ST18: variants seen among roughly 807,000 people sequenced by gnomAD.
ST18 encodes the protein suppression of tumorigenicity 18 protein.
Under a neutral mutation model 110.0 loss-of-function variants are expected in ST18, and 50 were observed. The observed-to-expected ratio is 0.45, with a 90% CI of 0.36 to 0.58. ST18 has a LOEUF of 0.58. Ranked by LOEUF, ST18 falls within the 20% of genes least tolerant of loss-of-function variation. ST18 has a pLI of 0.00. For synonymous variants in ST18, 461 were observed against 452.4 expected (o/e 1.02, Z -0.24); for missense variants, 1,306 against 1,280.1 (o/e 1.02, Z -0.31).
At chr8:52,232,423 A>T (rs1328959327) in intron 2 of ST18, among the ~76,000 whole-genome samples, 1 of 152,244 alleles carries the variant, frequency 6.6e-6, no homozygotes, top group Non-Finnish European at 1.5e-5. Flanking sequence ...TGAATTAATT[A>T]CAAATTATAT....
chr8:52,340,848 C>T (rs1056287611), intron 2 of ST18, among the ~76,000 whole-genome samples: 2 of 152,118 alleles, frequency 1.3e-5, no homozygotes, highest in South Asian at 2.1e-4. Context: ...CAAAAAACCG[C>T]GAAGTGCCTG....
chr8:52,235,972 A>C (rs1172913199), intron 2 of ST18, among the ~76,000 whole-genome samples: 1 of 152,212 alleles, frequency 6.6e-6, no homozygotes, highest in Non-Finnish European at 1.5e-5. Context: ...CCAGGAAATA[A>C]ATAAAAAGAT....
intron 8 of ST18, among the ~76,000 whole-genome samples, chr8:52,185,942 A>C (rs2071953503): frequency 6.6e-6 from 1 of 152,232 alleles, no homozygotes; most frequent in South Asian, 2.1e-4. Context: ...ATCAGAGCAC[A>C]TTAAAATGAA....
chr8:52,143,103 A>G, intron 16 of ST18, 58 bp from the exon 17 acceptor site: 1 of 1,097,228 alleles, frequency 9.1e-7, no homozygotes, highest in Non-Finnish European at 1.4e-6. Flanking sequence ...CCCTGGAAAG[A>G]CAACTAGATT....
chr8:52,368,055 C>T (rs546055966), intron 2 of ST18, among the ~76,000 whole-genome samples: 9 of 152,138 alleles, frequency 5.9e-5, no homozygotes, highest in South Asian at 2.1e-4. Context: ...TAATAGGCTT[C>T]GGATTTCCTA....
At chr8:52,248,444 A>G (rs2138119207) in intron 2 of ST18, 1 of 152,316 alleles carries the variant, frequency 6.6e-6, no homozygotes, top group East Asian at 1.9e-4. Flanking sequence ...CAACCCACTT[A>G]GCGGACAGTT....
At chr8:52,143,272 G>T (rs1426276769) in intron 16 of ST18, among the ~76,000 whole-genome samples, 1 of 152,198 alleles carries the variant, frequency 6.6e-6, no homozygotes, top group Non-Finnish European at 1.5e-5. Context: ...GGATCACGAG[G>T]TCAAGAGATT....
chr8:52,146,587 G>A (rs1327044794), intron 16 of ST18, among the ~76,000 whole-genome samples: 1 of 151,834 alleles, frequency 6.6e-6, no homozygotes, highest in Non-Finnish European at 1.5e-5. Flanking sequence ...TAATAATCCT[G>A]CTTTTCAAGA....
chr8:52,201,559 G>T (rs1208320328), intron 8 of ST18, among the ~76,000 whole-genome samples: 3 of 152,136 alleles, frequency 2.0e-5, no homozygotes, highest in East Asian at 3.9e-4. Flanking sequence ...GCCTCCCGGA[G>T]TAGTTCCTGT....
intron 2 of ST18, among the ~76,000 whole-genome samples, chr8:52,276,829 C>T (rs991307027): frequency 1.3e-5 from 2 of 148,964 alleles, no homozygotes; most frequent in East Asian, 2.0e-4. Flanking sequence ...TGCAGTGGTG[C>T]GATCTCGGCT....
chr8:52,280,132 T>C lies in ST18; in HGVS notation c.-464-50055A>G, dbSNP rs772815374. Among the ~76,000 whole-genome samples the C allele has an allele frequency of 3.3e-5, 5 of 152,108 alleles. No homozygotes were observed. In the East Asian group the frequency reaches 9.6e-4, roughly 29 times the overall value. On this transcript the variant is annotated intron_variant, in intron 2 of 25. Transcript: ENST00000689386. ...ATTTTAAACTTAAGTAAAACATATA[T>C]GTGAAAATTTGTAGGAATAACCGCT...
Position 52,214,198 on chromosome 8 carries a change from C to G in ST18, c.55+5G>C. 6.2e-7 allele frequency: 1 copy of G among 1,614,064 alleles called. No homozygotes were observed. The highest frequency in any genetic ancestry group is 8.5e-7 in the Non-Finnish European group (1 of 1,179,960). ...TAGTGTCATAGAACCTGCTTGCTAA[C>G]TCACCCTCGGTTCCTTTAGAGCGAG... On this transcript the variant is annotated splice_donor_5th_base_variant and intron_variant, in intron 7 of 25. Transcript: ENST00000689386.
rs1189269613 is a variant in ST18 at position 52,113,028 on chromosome 8, T to C, written c.*170A>G. ...TGCTTTTAATCCAAGAAGTCTATCA[T>C]AGTTTTTCTTTCCTTTTTATATCAG... On this transcript the variant is annotated 3_prime_UTR_variant, in exon 26 of 26. Transcript: ENST00000689386. 7 of 594,964 alleles carry C rather than the reference T, an allele frequency of 1.2e-5. No homozygotes were observed. The highest frequency in any genetic ancestry group is 4.7e-5 in the South Asian group (1 of 21,332). The allele number at this position is 594,964 out of a possible 1,614,324, so 36.9% of individuals were successfully genotyped here.
rs1022694269 is a variant in ST18, at chr8:52,160,433, C to A, written c.1594+942G>T. 7.2e-5 allele frequency among the ~76,000 whole-genome samples: 11 copies of A among 152,312 alleles called. No individual in the cohort carries two copies. The East Asian group carries it at 2.1e-3, about 29-fold the overall frequency. ...GAAATTCTAGTTCTCTGAAAGAATTCATCAGCATCACATAATGAGGTAAAC... is the reference window on the plus strand; with the variant it reads ...GAAATTCTAGTTCTCTGAAAGAATTAATCAGCATCACATAATGAGGTAAAC... On this transcript the variant is annotated intron_variant, in intron 14 of 25. Coordinates refer to ENST00000689386, the MANE Select transcript of ST18 (RefSeq NM_001352837.2).
rs1991276 is a variant in ST18 at position 52,119,193 on chromosome 8, G to A, written c.2756-752C>T. On this transcript the variant is annotated intron_variant, in intron 23 of 25. Transcript: ENST00000689386. The stretch of plus-strand genomic sequence containing the variant: ...AATAGGCATGTTATCTACACTGTGA[G>A]AATGAATGCAATAAAATGTAGAGCG... Among the ~76,000 whole-genome samples the A allele has an allele frequency of 1.6e-3, 237 of 152,318 alleles. 3 individuals carry two copies. The East Asian group carries it at 0.023, about 15-fold the overall frequency.
chr8:52,219,678 G>A (rs2085869154), intron 5 of ST18, among the ~76,000 whole-genome samples: 1 of 152,146 alleles, frequency 6.6e-6, no homozygotes, highest in Admixed American at 6.5e-5. Context: ...TTTAAGTAGA[G>A]TTTTCTGGGA....
intron 2 of ST18, among the ~76,000 whole-genome samples, chr8:52,323,241 G>A (rs1473927767): frequency 6.6e-6 from 1 of 152,190 alleles, no homozygotes; most frequent in Non-Finnish European, 1.5e-5. Flanking sequence ...ACTCCCACCC[G>A]TGATTTAACC....
intron 2 of ST18, among the ~76,000 whole-genome samples, chr8:52,291,710 T>G (rs1484224920): frequency 6.6e-6 from 1 of 152,196 alleles, no homozygotes; most frequent in East Asian, 1.9e-4. Context: ...TCCATTATTT[T>G]ACATAATATT....
intron 17 of ST18, among the ~76,000 whole-genome samples, chr8:52,139,219 G>C (rs1273388047): frequency 2.0e-5 from 3 of 151,984 alleles, no homozygotes; most frequent in African/African-American, 7.3e-5. Context: ...AATCTTTTCT[G>C]AACATTATAC....
Sources: gnomAD v4.1 joint callset for allele counts (sites outside exome capture counted in the v4.1 genomes callset) on GRCh38, gnomAD v4.1.1 for gene constraint, MANE v1.5 for transcripts, NCBI Gene and HGNC (gene_info 2026-07-23, HGNC 2026-07-21) for gene names.